GRID2: variants seen among roughly 807,000 people sequenced by gnomAD.
GRID2 encodes the protein glutamate receptor ionotropic, delta-2.
GRID2 carries 33 observed loss-of-function variants against 114.8 expected under a neutral mutation model. The ratio of observed to expected loss-of-function variants is 0.29; its 90% CI spans 0.22 to 0.38. The LOEUF (loss-of-function observed/expected upper bound fraction) is 0.38. Ranked by LOEUF, GRID2 falls within the 10% of genes least tolerant of loss-of-function variation. GRID2 has a pLI of 1.00. For missense variants in GRID2, 1,184 were observed against 1,257.7 expected, an observed-to-expected ratio of 0.94 and a Z score of 0.89; for synonymous variants, 505 against 449.9, an observed-to-expected ratio of 1.12 and a Z score of -1.55.
At chr4:93,112,657 C>T (rs1452673736) in intron 4 of GRID2, among the ~76,000 whole-genome samples, 1 of 152,000 alleles carries the variant, frequency 6.6e-6, no homozygotes, top group African/African-American at 2.4e-5. Flanking sequence ...CTAGTGTATT[C>T]CTTTGCTAGA....
chr4:93,393,339 A>G lies in GRID2; in HGVS notation c.1246-2268A>G, dbSNP rs138014825. Among the ~76,000 whole-genome samples the G allele has an allele frequency of 9.1e-3, 1,381 of 152,054 alleles. 13 individuals are homozygous for G. The highest frequency in any genetic ancestry group is 0.013 in the Non-Finnish European group (893 of 67,886). ...TACAAATGCTGTTATCAAAGGATGT[A>G]TGAGTCAGGCGGAAAAAAAAGGAGA... On this transcript the variant is annotated intron_variant, in intron 8 of 15. Transcript: ENST00000282020.
At chr4:92,918,345 C>T (rs950876807) in intron 2 of GRID2, among the ~76,000 whole-genome samples, 2 of 152,106 alleles carry the variant, frequency 1.3e-5, no homozygotes, top group African/African-American at 2.4e-5. Flanking sequence ...CCCTTTATTT[C>T]CTTCTCCTAC....
chr4:93,751,501 G>C (rs940344074), intron 14 of GRID2, among the ~76,000 whole-genome samples: 1 of 152,058 alleles, frequency 6.6e-6, no homozygotes, highest in African/African-American at 2.4e-5. Flanking sequence ...CTGGTTCTTG[G>C]GGGGAAATGC....
intron 2 of GRID2, among the ~76,000 whole-genome samples, chr4:92,728,328 G>A (rs769842992): frequency 1.3e-5 from 2 of 152,080 alleles, no homozygotes; most frequent in Non-Finnish European, 1.5e-5. Flanking sequence ...CAGAAACCCA[G>A]AAACAACTTA....
At chr4:93,059,367 A>G (rs1409521941) in intron 2 of GRID2, among the ~76,000 whole-genome samples, 2 of 152,124 alleles carry the variant, frequency 1.3e-5, no homozygotes, top group Admixed American at 6.6e-5. Flanking sequence ...CATGACTGAC[A>G]TTTTGGACTG....
intron 14 of GRID2, among the ~76,000 whole-genome samples, chr4:93,751,535 C>G (rs1342388605): frequency 1.3e-5 from 2 of 152,132 alleles, no homozygotes; most frequent in Non-Finnish European, 2.9e-5. Flanking sequence ...TTGATTGCAG[C>G]CTTCATGAGA....
Position 92,307,991 on chromosome 4 carries a change from G to A in GRID2, c.88+3247G>A, listed in dbSNP as rs568195398. On this transcript the variant is annotated intron_variant, in intron 1 of 15. Transcript: ENST00000282020. ...ATGCTGTAGGAAGAACCAAAAAGTC[G>A]TGAGTGGAATGGCAATGATACTGTG... is the stretch of plus-strand genomic sequence containing the variant. Among the ~76,000 whole-genome samples the A allele has an allele frequency of 2.2e-4, 34 of 152,274 alleles. 1 individual carries two copies. In the South Asian group the frequency reaches 5.8e-3, roughly 26 times the overall value.
chr4:92,675,449 T>G (rs1398138028), intron 2 of GRID2, among the ~76,000 whole-genome samples: 1 of 152,130 alleles, frequency 6.6e-6, no homozygotes, highest in Non-Finnish European at 1.5e-5. Flanking sequence ...CTCTGTACAT[T>G]AAATTTCAGC....
intron 2 of GRID2, among the ~76,000 whole-genome samples, chr4:92,997,300 A>G (rs1249139753): frequency 3.9e-5 from 6 of 152,114 alleles, no homozygotes; most frequent in African/African-American, 1.2e-4. Flanking sequence ...AAAGTTTGAT[A>G]TAGTCAGAAG....
At chr4:93,445,554 T>A (rs72886215) in intron 10 of GRID2, among the ~76,000 whole-genome samples, 7,562 of 152,122 alleles carry the variant, frequency 0.05, 405 homozygotes, top group African/African-American at 0.13. Context: ...CTTTTATGTT[T>A]TGTTTTTATA....
At chr4:92,930,318 C>A (rs1750129701) in intron 2 of GRID2, among the ~76,000 whole-genome samples, 1 of 151,140 alleles carries the variant, frequency 6.6e-6, no homozygotes, top group African/African-American at 2.4e-5. Flanking sequence ...CCTAATTCAA[C>A]GTTTTCATCT....
chr4:93,591,019 C>A (rs1454952225), intron 13 of GRID2, among the ~76,000 whole-genome samples: 7 of 151,306 alleles, frequency 4.6e-5, no homozygotes, highest in Admixed American at 2.6e-4. Flanking sequence ...AATTGGACTT[C>A]CTCTTTTCCT....
At chr4:92,979,781 G>A (rs1754080540) in intron 2 of GRID2, among the ~76,000 whole-genome samples, 1 of 152,128 alleles carries the variant, frequency 6.6e-6, no homozygotes, top group Non-Finnish European at 1.5e-5. Context: ...GCAAAAGCCA[G>A]CTCACATTGC....
At chr4:92,630,304 C>T (rs77250003) in intron 2 of GRID2, among the ~76,000 whole-genome samples, 117 of 152,218 alleles carry the variant, frequency 7.7e-4, no homozygotes, top group African/African-American at 2.5e-3. Context: ...CGTGTGTATT[C>T]TGTGTTGCAC....
intron 2 of GRID2, among the ~76,000 whole-genome samples, chr4:92,798,970 A>G (rs903306217): frequency 6.6e-6 from 1 of 151,970 alleles, no homozygotes. Context: ...GCTTAAACCA[A>G]TGGTCCCCAG....
rs201059475 is a variant in GRID2, at chr4:92,639,270, TA to T, written c.244+48986del. Among the ~76,000 whole-genome samples, 1,326 of 151,956 alleles carry T rather than the reference TA, an allele frequency of 8.7e-3. 17 individuals are homozygous for T. Among genetic ancestry groups the T allele is most frequent in the East Asian group, 0.069 (355 of 5,142 alleles). On this transcript the variant is annotated intron_variant, in intron 2 of 15. Coordinates refer to ENST00000282020, the MANE Select transcript of GRID2 (RefSeq NM_001510.4). Reference sequence around the variant, plus strand: ...CAAAGAACATATTTAAGATTTCTCTTAATATCTTAATTTTTATCTTATATAT... The same window carrying T: ...CAAAGAACATATTTAAGATTTCTCTTATATCTTAATTTTTATCTTATATAT...
chr4:93,345,441 T>C (rs1205290639), intron 8 of GRID2, among the ~76,000 whole-genome samples: 1 of 152,160 alleles, frequency 6.6e-6, no homozygotes, highest in Non-Finnish European at 1.5e-5. Context: ...CATTTGCATG[T>C]CATCTTCTGA....
chr4:92,921,183 A>G (rs956740983), intron 2 of GRID2, among the ~76,000 whole-genome samples: 4 of 151,960 alleles, frequency 2.6e-5, no homozygotes, highest in African/African-American at 9.7e-5. Context: ...TTCTCATGCC[A>G]TGGTTTTCAG....
At chr4:93,495,521 G>A (rs947360379) in intron 12 of GRID2, among the ~76,000 whole-genome samples, 1 of 151,702 alleles carries the variant, frequency 6.6e-6, no homozygotes, top group Non-Finnish European at 1.5e-5. Context: ...CTAAATCATC[G>A]AGGGCATGGT....
Sources: gnomAD v4.1 joint callset for allele counts (sites outside exome capture counted in the v4.1 genomes callset) on GRCh38, gnomAD v4.1.1 for gene constraint, MANE v1.5 for transcripts, NCBI Gene and HGNC (gene_info 2026-07-23, HGNC 2026-07-21) for gene names.